Variants in GRM5 observed in about 807,000 individuals in gnomAD.
GRM5 encodes the protein glutamate metabotropic receptor 5.
GRM5 carries 19 observed loss-of-function variants against 83.1 expected under a neutral mutation model. That is an observed-to-expected ratio of 0.23 (90% confidence interval 0.16 to 0.34). GRM5 has a LOEUF of 0.34. Among genes scored for constraint, GRM5 ranks in the 10% least tolerant of loss-of-function variants. GRM5 has a pLI of 1.00. For synonymous variants in GRM5, 675 were observed against 633.6 expected, an observed-to-expected ratio of 1.07 and a Z score of -0.98; for missense variants, 1,160 against 1,588.3, an observed-to-expected ratio of 0.73 and a Z score of 4.58.
chr11:88,949,849 T>C (rs1473801621), intron 2 of GRM5, among the ~76,000 whole-genome samples: 3 of 152,052 alleles, frequency 2.0e-5, no homozygotes, highest in Non-Finnish European at 2.9e-5. Flanking sequence ...GATATATACA[T>C]CAATGTAATC....
intron 3 of GRM5, among the ~76,000 whole-genome samples, chr11:88,814,211 A>T (rs749181806): frequency 2.6e-5 from 4 of 152,222 alleles, no homozygotes; most frequent in Non-Finnish European, 5.9e-5. Context: ...AACAAACAAG[A>T]TGAACCCTAC....
intron 3 of GRM5, among the ~76,000 whole-genome samples, chr11:88,753,822 G>T (rs375619893): frequency 6.6e-6 from 1 of 152,034 alleles, no homozygotes; most frequent in African/African-American, 2.4e-5. Flanking sequence ...ACATGGCTGA[G>T]GAGGCCTCAC....
intron 8 of GRM5, among the ~76,000 whole-genome samples, chr11:88,554,453 T>A (rs555815859): frequency 6.6e-6 from 1 of 152,316 alleles, no homozygotes; most frequent in East Asian, 1.9e-4. Context: ...ATCATCTGGC[T>A]ACTAAAGAGG....
At chr11:88,583,594 G>C (rs1432631754) in intron 7 of GRM5, among the ~76,000 whole-genome samples, 1 of 152,182 alleles carries the variant, frequency 6.6e-6, no homozygotes, top group African/African-American at 2.4e-5. Context: ...TTATTGGAAG[G>C]TTGGCAGCAT....
intron 4 of GRM5, among the ~76,000 whole-genome samples, chr11:88,615,691 G>T (rs77622360): frequency 0.032 from 4,809 of 151,792 alleles, 235 homozygotes; most frequent in Admixed American, 0.14. Context: ...TGAATAGCTG[G>T]CAAGCTTAGC....
intron 3 of GRM5, among the ~76,000 whole-genome samples, chr11:88,731,852 T>C (rs1941815506): frequency 6.6e-6 from 1 of 152,086 alleles, no homozygotes; most frequent in Non-Finnish European, 1.5e-5. Flanking sequence ...TTTCTGACTT[T>C]CTGAACAGCT....
chr11:88,841,418 T>A (rs753904134), intron 3 of GRM5, among the ~76,000 whole-genome samples: 1 of 152,220 alleles, frequency 6.6e-6, no homozygotes, highest in African/African-American at 2.4e-5. Context: ...GAGTAAGTCA[T>A]CCTTTAATGA....
intron 2 of GRM5, among the ~76,000 whole-genome samples, chr11:88,947,683 T>C (rs1447589175): frequency 6.6e-6 from 1 of 152,116 alleles, no homozygotes; most frequent in Non-Finnish European, 1.5e-5. Flanking sequence ...ATATAATCCA[T>C]TATGACTGGA....
intron 2 of GRM5, among the ~76,000 whole-genome samples, chr11:88,928,747 G>A (rs975814926): frequency 6.6e-5 from 10 of 151,766 alleles, no homozygotes; most frequent in African/African-American, 2.4e-4. Context: ...TTCCAAACGT[G>A]GGTCTGTGAT....
At chr11:88,570,567 ATATATTTTTTTT>A (rs1215618547) in intron 7 of GRM5, among the ~76,000 whole-genome samples, 1 of 71,600 alleles carries the variant, frequency 1.4e-5, no homozygotes, top group African/African-American at 1.0e-4. Flanking sequence ...ATATATATAT[ATATATTTTTTTT>A]TTTTTTTTTT....
chr11:88,527,373 GA>G (rs1306168277), intron 8 of GRM5, among the ~76,000 whole-genome samples: 1 of 151,922 alleles, frequency 6.6e-6, no homozygotes, highest in Non-Finnish European at 1.5e-5. Context: ...TTTCTCTCAT[GA>G]CCACACACAC....
intron 3 of GRM5, among the ~76,000 whole-genome samples, chr11:88,786,658 A>G (rs1461440044): frequency 6.6e-6 from 1 of 152,094 alleles, no homozygotes; most frequent in Non-Finnish European, 1.5e-5. Flanking sequence ...GTCTTCTCAC[A>G]TATCATCTTC....
At chr11:88,559,980 T>C (rs771658575) in intron 8 of GRM5, among the ~76,000 whole-genome samples, 4 of 151,990 alleles carry the variant, frequency 2.6e-5, no homozygotes, top group Non-Finnish European at 5.9e-5. Flanking sequence ...AAGATGAGTA[T>C]GAGTTGGCCA....
intron 2 of GRM5, among the ~76,000 whole-genome samples, chr11:88,995,668 A>G (rs1461541673): frequency 6.6e-6 from 1 of 152,014 alleles, no homozygotes; most frequent in Non-Finnish European, 1.5e-5. Flanking sequence ...TCTGGACTTG[A>G]CAACTATGAT....
chr11:88,876,470 G>T (rs557748508), intron 2 of GRM5, among the ~76,000 whole-genome samples: 1 of 152,232 alleles, frequency 6.6e-6, no homozygotes, highest in South Asian at 2.1e-4. Flanking sequence ...GTGTTCACTG[G>T]AGTAGCATTT....
chr11:88,872,807 AG>A (rs1944792052), intron 2 of GRM5, among the ~76,000 whole-genome samples: 1 of 151,556 alleles, frequency 6.6e-6, no homozygotes, highest in African/African-American at 2.4e-5. Flanking sequence ...AAATGAAAAA[AG>A]GATCAACAAA....
chr11:88,614,889 T>C (rs1327582365), intron 4 of GRM5, among the ~76,000 whole-genome samples: 1 of 152,196 alleles, frequency 6.6e-6, no homozygotes. Context: ...ATATTGCTAT[T>C]CATTGGAAAG....
At chr11:88,734,417 A>G (rs975752933) in intron 3 of GRM5, among the ~76,000 whole-genome samples, 4 of 151,998 alleles carry the variant, frequency 2.6e-5, no homozygotes, top group African/African-American at 9.7e-5. Context: ...AAAAACAGAA[A>G]TACCATATAA....
At chr11:88,769,562 G>T (rs1350738726) in intron 3 of GRM5, among the ~76,000 whole-genome samples, 1 of 151,918 alleles carries the variant, frequency 6.6e-6, no homozygotes, top group East Asian at 1.9e-4. Flanking sequence ...TGGTTCCATT[G>T]GGTAAGGAAG....
Sources: gnomAD v4.1 joint callset for allele counts (sites outside exome capture counted in the v4.1 genomes callset) on GRCh38, gnomAD v4.1.1 for gene constraint, MANE v1.5 for transcripts, NCBI Gene and HGNC (gene_info 2026-07-23, HGNC 2026-07-21) for gene names.